GREB1: variants seen among roughly 807,000 people sequenced by gnomAD.
The protein encoded by GREB1 is protein GREB1.
Under a neutral mutation model 200.7 loss-of-function variants are expected in GREB1, and 106 were observed. The observed-to-expected ratio is 0.53, with a 90% confidence interval of 0.45 to 0.62. GREB1 has a LOEUF of 0.62. Among genes scored for constraint, GREB1 ranks in the 20% least tolerant of loss-of-function variants. The probability of loss-of-function intolerance (pLI) is 0.00; values close to 1 mark genes in which losing one functional copy is unlikely to be tolerated. For synonymous variants in GREB1, 1,132 were observed against 1,092.4 expected (o/e 1.04, Z -0.72); for missense variants, 2,243 against 2,556.8 (o/e 0.88, Z 2.65).
At chr2:11,578,162 C>A in intron 5 of GREB1, 135 bp from the exon 6 acceptor site, 1 of 954,642 alleles carries the variant, frequency 1.0e-6, no homozygotes, top group Non-Finnish European at 1.6e-6. Flanking sequence ...GAAACAAAGA[C>A]CAGGATGTGG....
At chr2:11,531,539 T>C (rs1184747957), upstream of GREB1, among the ~76,000 whole-genome samples, 1 of 152,158 alleles carries the variant, frequency 6.6e-6, no homozygotes, top group Admixed American at 6.5e-5. Flanking sequence ...TTCTTGCTTT[T>C]ATTTTATTTT....
At position 11,501,857 on chromosome 2, in the gene GREB1, C is replaced by T. The variant is rs577556115; in HGVS notation, c.-159+19476C>T. Among the ~76,000 whole-genome samples, 12 of 120,090 alleles carry T rather than the reference C, an allele frequency of 1.0e-4. No individual in the cohort carries two copies. In the South Asian group the frequency reaches 2.6e-3, roughly 26 times the overall value. 78.8% of individuals were successfully genotyped at this position (120,090 alleles called of 152,430 possible). A position where few individuals can be genotyped will look rare whatever the true frequency, so the allele number is the denominator to read the frequency against. On this transcript the variant is annotated intron_variant, in intron 1 of 2. Coordinates refer to the GREB1 transcript ENST00000628795. ...AGTTCCCTTTTTATTTATGTTTGTG[C>T]GGAACTGATTTCTTACTTATTAGAG...
In GREB1 at chr2:11,576,552, T is replaced by TGGA. The variant is rs1678874941; in HGVS notation, c.637+23_637+25dup. On this transcript the variant is annotated intron_variant, in intron 5 of 32. Coordinates refer to ENST00000381486, the MANE Select transcript of GREB1 (RefSeq NM_014668.4). ...AAGGCTCAGGTGAGCAGGTTGGCTGTGGAGGAGGTATGGGAGTGCTGGGCC... is the reference window on the plus strand; with the variant it reads ...AAGGCTCAGGTGAGCAGGTTGGCTGTGGAGGAGGAGGTATGGGAGTGCTGGGCC... 2 of 1,606,620 alleles carry TGGA rather than the reference T, an allele frequency of 1.2e-6. No homozygotes were observed. Among genetic ancestry groups the TGGA allele is most frequent in the South Asian group, 2.2e-5 (2 of 89,476 alleles).
intron 24 of GREB1, among the ~76,000 whole-genome samples, chr2:11,626,635 C>G (rs1684481929): frequency 6.6e-6 from 1 of 152,152 alleles, no homozygotes; most frequent in African/African-American, 2.4e-5. Flanking sequence ...CATCTGCATT[C>G]AGAGCTGGCA....
upstream of GREB1, among the ~76,000 whole-genome samples, chr2:11,532,374 T>A (rs1674105946): frequency 6.6e-6 from 1 of 152,096 alleles, no homozygotes; most frequent in Non-Finnish European, 1.5e-5. Context: ...GAAAATCAAG[T>A]GTGAATGGTT....
At chr2:11,553,262 C>T (rs954301946) in intron 1 of GREB1, among the ~76,000 whole-genome samples, 14 of 152,076 alleles carry the variant, frequency 9.2e-5, no homozygotes, top group African/African-American at 3.1e-4. Flanking sequence ...CCTGTGGTCT[C>T]AGCACTTTGG....
In GREB1 at chr2:11,635,168, A is replaced by AAGCCCACTCCACCTTCC. The variant is rs1685207463; in HGVS notation, c.5211-102_5211-101insAGCCCACTCCACCTTCC. ...CAAGAATGAAGCCCACTCCACCTTC[A>AAGCCCACTCCACCTTCC]TAGCCCCCTACGATGGGGACCCACA... On this transcript the variant is annotated intron_variant, in intron 29 of 32. Coordinates refer to ENST00000381486, the MANE Select transcript of GREB1 (RefSeq NM_014668.4). 4 of 1,376,218 alleles carry AAGCCCACTCCACCTTCC rather than the reference A, an allele frequency of 2.9e-6. No homozygotes were observed. In the African/African-American group the frequency reaches 5.8e-5, roughly 20 times the overall value. The allele number at this position is 1,376,218 out of a possible 1,614,324, so 85.3% of individuals were successfully genotyped here. A position where few individuals can be genotyped will look rare whatever the true frequency, so the allele number is the denominator to read the frequency against.
At chr2:11,565,387 A>G (rs1677521699) in intron 3 of GREB1, among the ~76,000 whole-genome samples, 2 of 152,192 alleles carry the variant, frequency 1.3e-5, no homozygotes, top group African/African-American at 4.8e-5. Flanking sequence ...GAGCAAATGC[A>G]TGGTGAGTGG....
At chr2:11,575,387 T>C (rs1229731079) in intron 4 of GREB1, among the ~76,000 whole-genome samples, 1 of 152,232 alleles carries the variant, frequency 6.6e-6, no homozygotes, top group African/African-American at 2.4e-5. Context: ...ATGGTCTGAA[T>C]AGGCTTTACA....
In GREB1 at chr2:11,597,962, C is replaced by T. The variant is rs892471138; in HGVS notation, c.2136C>T (p.Leu712=). Residue 712 remains leucine (L), a synonymous_variant, in exon 14 of 33, where the codon CTC becomes CTT. Transcript: ENST00000381486. This position sits in a 1 kb window ranked among gnomAD's most constrained non-coding sequence, Gnocchi z 4.1. ...AAGTGACCTACCAGCAGACTCTGCTCCATGTGTGGCATTCAGGTATGGGGC... is the reference window on the plus strand; with the variant it reads ...AAGTGACCTACCAGCAGACTCTGCTTCATGTGTGGCATTCAGGTATGGGGC... ...PSEVTYQQTL[L]HVWHSGVLLE... is the part of the protein sequence containing the mutation. 1.2e-6 allele frequency: 2 copies of T among 1,613,512 alleles called. No individual in the cohort carries two copies. Among genetic ancestry groups the T allele is most frequent in the Admixed American group, 1.7e-5 (1 of 60,004 alleles).
At position 11,585,846 on chromosome 2, in the gene GREB1, C is replaced by A; in HGVS notation, c.1100C>A (p.Pro367Gln). 6.2e-7 allele frequency: 1 copy of A among 1,613,922 alleles called. No homozygotes were observed. The highest frequency in any genetic ancestry group is 8.5e-7 in the Non-Finnish European group (1 of 1,179,988). Residue 367 changes from proline to glutamine, a missense_variant, in exon 9 of 33, where the codon CCA (proline) becomes CAA (glutamine). Transcript: ENST00000381486. Reference protein sequence around the residue: ...VTFPVVASGEPVSVPDNLLKI... With the variant: ...VTFPVVASGEQVSVPDNLLKI... ...TTTCCAGTGGTGGCCTCTGGAGAAC[C>A]AGTGTCTGTTCCTGACAACTTGCTG...
At chr2:11,503,390 G>T (rs1673099189) in intron 1 of GREB1, among the ~76,000 whole-genome samples, 1 of 152,160 alleles carries the variant, frequency 6.6e-6, no homozygotes, top group Non-Finnish European at 1.5e-5. Flanking sequence ...ATTTGGTAGT[G>T]TGAATATATA....
chr2:11,496,463 T>G (rs1672889753), intron 1 of GREB1, among the ~76,000 whole-genome samples: 1 of 152,012 alleles, frequency 6.6e-6, no homozygotes, highest in Non-Finnish European at 1.5e-5. Context: ...CCCAGAGAGA[T>G]TTCTCACACA....
At chr2:11,500,197 T>C (rs1418177691) in intron 1 of GREB1, among the ~76,000 whole-genome samples, 1 of 152,232 alleles carries the variant, frequency 6.6e-6, no homozygotes, top group African/African-American at 2.4e-5. Context: ...AGTCTCACGC[T>C]GTTGCCCAGG....
At chr2:11,516,920 G>A (rs942258560) in intron 1 of GREB1, among the ~76,000 whole-genome samples, 8 of 152,222 alleles carry the variant, frequency 5.3e-5, no homozygotes, top group African/African-American at 1.9e-4. Flanking sequence ...GGGGTGGCGA[G>A]GGCTGTGAGG....
At chr2:11,552,851 A>T (rs1375652353) in intron 1 of GREB1, among the ~76,000 whole-genome samples, 2 of 151,984 alleles carry the variant, frequency 1.3e-5, no homozygotes, top group African/African-American at 2.4e-5. Context: ...CTCTACTAAA[A>T]ATACAAAAAT....
At chr2:11,612,701 GACGGTAGGCAGC>G (rs1450797162) in intron 19 of GREB1, 91 bp downstream of exon 19, 17 of 779,044 alleles carry the variant, frequency 2.2e-5, no homozygotes, top group South Asian at 3.1e-5. Context: ...GCTGTGCCCT[GACGGTAGGCAGC>G]ACCACTCACA....
intron 1 of GREB1, among the ~76,000 whole-genome samples, chr2:11,523,801 TA>T (rs112781552): frequency 0.034 from 5,121 of 152,286 alleles, 302 homozygotes; most frequent in African/African-American, 0.12. Flanking sequence ...GCCCCCGGCT[TA>T]CTGTGTTCAC....
rs765926256 is a variant in GREB1, at chr2:11,640,930, A to C, written c.*476A>C. The C allele has an allele frequency of 6.4e-6, 1 of 156,152 alleles. No individual in the cohort carries two copies. Among genetic ancestry groups the C allele is most frequent in the Non-Finnish European group, 1.4e-5 (1 of 71,056 alleles). The allele number at this position is 156,152 out of a possible 1,614,324, so 9.7% of individuals were successfully genotyped here. A position where few individuals can be genotyped will look rare whatever the true frequency, so the allele number is the denominator to read the frequency against. On this transcript the variant is annotated 3_prime_UTR_variant, in exon 33 of 33. Transcript: ENST00000381486. This position sits in a 1 kb window ranked among gnomAD's most constrained non-coding sequence, Gnocchi z 4.6. ...ACTGTAAAGGCTGGAGACAAGAAAA[A>C]ATAAGTAGATCGTTTTAATAACAAT... is the stretch of plus-strand genomic sequence containing the variant.
Sources: gnomAD v4.1 joint callset for allele counts (sites outside exome capture counted in the v4.1 genomes callset) on GRCh38, gnomAD v4.1.1 for gene constraint, Gnocchi (gnomAD v3.1) non-coding constraint, MANE v1.5 for transcripts, NCBI Gene and HGNC (gene_info 2026-07-23, HGNC 2026-07-21) for gene names.